Variants in C3orf70 observed in about 807,000 individuals in gnomAD.
C3orf70 encodes chromosome 3 open reading frame 70, also known as UPF0524 protein C3orf70.
C3orf70 carries 15 observed loss-of-function variants against 20.7 expected under a neutral mutation model. The observed-to-expected ratio is 0.72, with a 90% confidence interval of 0.48 to 1.11. C3orf70 has a LOEUF of 1.11. C3orf70 is among the 50% of genes most tolerant of loss of function. The probability of loss-of-function intolerance (pLI) is 0.00; values close to 1 mark genes in which losing one functional copy is unlikely to be tolerated. For synonymous variants in C3orf70, 161 were observed against 125.7 expected, an observed-to-expected ratio of 1.28 and a Z score of -1.88; for missense variants, 332 against 317.6, an observed-to-expected ratio of 1.05 and a Z score of -0.34.
At chr3:185,129,067 TCAAAGA>T (rs745550879) in intron 1 of C3orf70, among the ~76,000 whole-genome samples, 1 of 152,198 alleles carries the variant, frequency 6.6e-6, no homozygotes, top group Non-Finnish European at 1.5e-5. Context: ...TTTCTGTGAG[TCAAAGA>T]CAAATACTAT....
chr3:185,112,302 T>C (rs947128742), intron 1 of C3orf70, among the ~76,000 whole-genome samples: 3 of 152,020 alleles, frequency 2.0e-5, no homozygotes, highest in Admixed American at 6.5e-5. Flanking sequence ...AAAAAATAAA[T>C]AGAAGTCACT....
At position 185,104,630 on chromosome 3, in the gene C3orf70, GA is replaced by G. The variant is rs367861723; in HGVS notation, c.197-21068del. ...GAAAAAGTGGTACACATACACCATG[GA>G]AAACTATGCAGCCATAAAAAAGAAT... On this transcript the variant is annotated intron_variant, in intron 1 of 1. Transcript: ENST00000335012. Among the ~76,000 whole-genome samples, 696 of 152,234 alleles carry G rather than the reference GA, an allele frequency of 4.6e-3. 2 individuals carry two copies. The highest frequency in any genetic ancestry group is 0.014 in the Middle Eastern group (4 of 294).
intron 1 of C3orf70, among the ~76,000 whole-genome samples, chr3:185,149,048 T>C: frequency 6.6e-6 from 1 of 152,222 alleles, no homozygotes; most frequent in South Asian, 2.1e-4. Context: ...GCAAACAAAC[T>C]GATAGTTTTC....
rs561072281 is a variant in C3orf70 at position 185,077,874 on chromosome 3, A to T, written c.*5133T>A. 6.6e-6 allele frequency among the ~76,000 whole-genome samples: 1 copy of T among 151,796 alleles called. No individual in the cohort carries two copies. Among genetic ancestry groups the T allele is most frequent in the Admixed American group, 6.6e-5 (1 of 15,234 alleles). ...TATCATGAGTGGTGACTCTGAGTAG[A>T]TACTGCGGACAGTACAGTTTATCTG... On this transcript the variant is annotated 3_prime_UTR_variant, in exon 2 of 2. Transcript: ENST00000335012.
At position 185,083,306 on chromosome 3, in the gene C3orf70, G is replaced by A. The variant is rs61740263; in HGVS notation, c.454C>T (p.Pro152Ser). The A allele has an allele frequency of 0.084, 135,448 of 1,614,072 alleles. 6,104 individuals carry two copies. The highest frequency in any genetic ancestry group is 0.091 in the Non-Finnish European group (106,933 of 1,179,996). Reference sequence around the variant, plus strand: ...TCAGGGCTCATTCTGTGGGAATGTGGTGCCGGCTGCTTCTGCACATAACAC... The same window carrying A: ...TCAGGGCTCATTCTGTGGGAATGTGATGCCGGCTGCTTCTGCACATAACAC... ...KMCYVQKQPA[P>S]HSHRMSPEEV... The change falls in exon 2 of 2, where the codon CCA becomes TCA. Residue 152 changes from proline (P) to serine (S), a missense_variant. Transcript: ENST00000335012.
rs187046155 is a variant in C3orf70, at chr3:185,077,304, C to T, written c.*5703G>A. 2.3e-3 allele frequency among the ~76,000 whole-genome samples: 348 copies of T among 152,136 alleles called. No homozygotes were observed. Among genetic ancestry groups the T allele is most frequent in the African/African-American group, 8.0e-3 (334 of 41,508 alleles). ...TAATGCAGACAATGGGCCAAGAGTG[C>T]GGACTCTAGAGCCAAAGTGACCGGG... On this transcript the variant is annotated 3_prime_UTR_variant, in exon 2 of 2. Transcript: ENST00000335012.
chr3:185,140,969 C>A (rs1390576892), intron 1 of C3orf70, among the ~76,000 whole-genome samples: 93 of 136,630 alleles, frequency 6.8e-4, no homozygotes, highest in South Asian at 7.1e-4. Flanking sequence ...CCCTTGTCAC[C>A]AAAAAAAAAA....
At chr3:185,089,848 C>G (rs990414910) in intron 1 of C3orf70, among the ~76,000 whole-genome samples, 1 of 152,130 alleles carries the variant, frequency 6.6e-6, no homozygotes, top group African/African-American at 2.4e-5. Flanking sequence ...AAAGGCCAAT[C>G]AAACCACAAA....
At chr3:185,091,314 C>T (rs1048926697) in intron 1 of C3orf70, among the ~76,000 whole-genome samples, 3 of 151,938 alleles carry the variant, frequency 2.0e-5, no homozygotes, top group Non-Finnish European at 4.4e-5. Flanking sequence ...GTTAGACAGT[C>T]GATCAAAAGG....
intron 1 of C3orf70, among the ~76,000 whole-genome samples, chr3:185,139,273 C>T (rs953365092): frequency 2.0e-5 from 3 of 152,002 alleles, no homozygotes; most frequent in Non-Finnish European, 4.4e-5. Flanking sequence ...GTCTACCCAG[C>T]CAGGCTTGGT....
chr3:185,111,030 T>G (rs182130051), intron 1 of C3orf70, among the ~76,000 whole-genome samples: 25 of 152,280 alleles, frequency 1.6e-4, no homozygotes, highest in African/African-American at 6.0e-4. Context: ...AGGGTCTCCC[T>G]GACTGAGCTG....
chr3:185,119,403 G>T (rs139600550), intron 1 of C3orf70, among the ~76,000 whole-genome samples: 1 of 151,416 alleles, frequency 6.6e-6, no homozygotes, highest in South Asian at 2.1e-4. Context: ...CTGTAATCCC[G>T]GCATTTTGGG....
intron 1 of C3orf70, among the ~76,000 whole-genome samples, chr3:185,126,565 T>C (rs1357897312): frequency 1.3e-5 from 2 of 152,178 alleles, no homozygotes; most frequent in African/African-American, 2.4e-5. Flanking sequence ...TTACAATGCA[T>C]ACTGAGGAAA....
chr3:185,091,880 A>ATG (rs1553919517), intron 1 of C3orf70, among the ~76,000 whole-genome samples: 2,331 of 123,954 alleles, frequency 0.019, 214 homozygotes, highest in African/African-American at 0.069. Context: ...ATATATATAT[A>ATG]ATATATATAC....
intron 1 of C3orf70, among the ~76,000 whole-genome samples, chr3:185,148,094 G>A (rs1716913290): frequency 6.6e-6 from 1 of 152,158 alleles, no homozygotes; most frequent in Non-Finnish European, 1.5e-5. Context: ...CTCTGGTGTT[G>A]TAAAGGGAAA....
At chr3:185,091,896 TACACACAC>T (rs34123212) in intron 1 of C3orf70, among the ~76,000 whole-genome samples, 4 of 85,414 alleles carry the variant, frequency 4.7e-5, no homozygotes, top group African/African-American at 8.6e-5. Context: ...TATACACACA[TACACACAC>T]ACACATACAT....
At chr3:185,146,177 G>A (rs1716871202) in intron 1 of C3orf70, among the ~76,000 whole-genome samples, 1 of 151,864 alleles carries the variant, frequency 6.6e-6, no homozygotes, top group African/African-American at 2.4e-5. Context: ...TCTATCTCTG[G>A]AAGAGCTTTG....
Position 185,152,816 on chromosome 3 carries a change from G to T in C3orf70, c.8C>A (p.Ala3Glu). Residue 3 changes from alanine to glutamate, a missense_variant, in exon 1 of 2, where the codon GCG becomes GAG. Physicochemically the swap from Ala to Glu is moderately radical, Grantham distance 107. Transcript: ENST00000335012. ...CCGCTCCGACGCCGGCGAGGCCGCC[G>T]CACTCATTTCCTCTCCCTCCGCGCG... Reference protein sequence around the residue: MSAAASPASERGW... With the variant: MSEAASPASERGW... The T allele has an allele frequency of 6.4e-7, 1 of 1,557,788 alleles. No individual in the cohort carries two copies.
At chr3:185,142,014 T>G (rs1352970926) in intron 1 of C3orf70, among the ~76,000 whole-genome samples, 5 of 152,142 alleles carry the variant, frequency 3.3e-5, no homozygotes, top group African/African-American at 4.8e-5. Flanking sequence ...TGGGACATCT[T>G]GTGCCAGAAA....
Sources: gnomAD v4.1 joint callset for allele counts (sites outside exome capture counted in the v4.1 genomes callset) on GRCh38, gnomAD v4.1.1 for gene constraint, MANE v1.5 for transcripts, NCBI Gene and HGNC (gene_info 2026-07-23, HGNC 2026-07-21) for gene names.